IQSEC3: variants seen among roughly 807,000 people sequenced by gnomAD.
IQSEC3 encodes IQ motif and SEC7 domain-containing protein 3.
A neutral mutation model predicts 105.4 loss-of-function variants in IQSEC3; 50 were observed. That is an observed-to-expected ratio of 0.47 (90% CI 0.38 to 0.60). The LOEUF (loss-of-function observed/expected upper bound fraction) is 0.60, where lower values mean the gene tolerates loss of function less well. IQSEC3 is among the 20% of genes least tolerant of loss of function. The pLI, the probability that IQSEC3 is intolerant of heterozygous loss-of-function variation, is 0.00. For synonymous variants in IQSEC3, 708 were observed against 746.0 expected (o/e 0.95, Z 0.83); for missense variants, 1,415 against 1,630.0 (o/e 0.87, Z 2.27).
intron 11 of IQSEC3, among the ~76,000 whole-genome samples, chr12:168,428 G>A (rs1285434024): frequency 1.3e-5 from 2 of 148,250 alleles, no homozygotes; most frequent in Non-Finnish European, 3.1e-5. Context: ...CCCAGGCGCC[G>A]GGTGGAGAGG....
chr12:164,380 G>C (rs1049692784), intron 9 of IQSEC3, among the ~76,000 whole-genome samples: 3 of 151,896 alleles, frequency 2.0e-5, no homozygotes. Context: ...TGATCTCTCT[G>C]GAGTGCACAT....
chr12:133,939 C>A (rs2136986300), intron 3 of IQSEC3, among the ~76,000 whole-genome samples: 1 of 152,170 alleles, frequency 6.6e-6, no homozygotes, highest in South Asian at 2.1e-4. Flanking sequence ...GGTTATTGTT[C>A]TGGAGGTTCA....
chr12:170,235 G>A (rs1555099848), intron 12 of IQSEC3, among the ~76,000 whole-genome samples: 2 of 152,202 alleles, frequency 1.3e-5, no homozygotes, highest in African/African-American at 2.4e-5. Flanking sequence ...CATAGGGCAC[G>A]GGTTGCTGCT....
At chr12:125,993 C>G (rs1172515368) in intron 3 of IQSEC3, 81 bp downstream of exon 3, 26 of 1,340,814 alleles carry the variant, frequency 1.9e-5, no homozygotes, top group African/African-American at 5.9e-5. Context: ...CAGGGATATC[C>G]CCGCTGGGTC....
chr12:110,333 C>T (rs1434664528), intron 2 of IQSEC3, among the ~76,000 whole-genome samples: 1 of 151,966 alleles, frequency 6.6e-6, no homozygotes, highest in African/African-American at 2.4e-5. Context: ...AGGCCTTGCC[C>T]TACTGGGTGC....
At chr12:141,073 A>G (rs2291928) in intron 4 of IQSEC3, 51 bp from the exon 5 acceptor site, 400,377 of 1,519,814 alleles carry the variant, frequency 0.26, 56,541 homozygotes, top group African/African-American at 0.49. Flanking sequence ...GGAAAGAGTC[A>G]TGGATGGCTT....
At chr12:117,494 C>T (rs148919342) in intron 2 of IQSEC3, among the ~76,000 whole-genome samples, 1 of 152,232 alleles carries the variant, frequency 6.6e-6, no homozygotes, top group Non-Finnish European at 1.5e-5. Context: ...CCAGAGGAGG[C>T]CTTCCTGTGG....
intron 5 of IQSEC3, among the ~76,000 whole-genome samples, chr12:153,957 G>C (rs1555093379): frequency 6.6e-6 from 1 of 152,106 alleles, no homozygotes; most frequent in East Asian, 1.9e-4. Context: ...TCTGGGGTGG[G>C]GTCCAGCGAG....
At chr12:92,686 C>T (rs1048144020) in intron 1 of IQSEC3, among the ~76,000 whole-genome samples, 9 of 152,214 alleles carry the variant, frequency 5.9e-5, no homozygotes, top group African/African-American at 1.7e-4. Flanking sequence ...CTGCTGGGAC[C>T]CTGTCTCACT....
chr12:70,126 C>T (rs1863255757), intron 1 of IQSEC3, among the ~76,000 whole-genome samples: 1 of 152,270 alleles, frequency 6.6e-6, no homozygotes, highest in African/African-American at 2.4e-5. Flanking sequence ...AGAACGCGAC[C>T]CCACTGAGGT....
chr12:161,725 A>G (rs1419788068), intron 7 of IQSEC3, among the ~76,000 whole-genome samples: 1 of 152,118 alleles, frequency 6.6e-6, no homozygotes, highest in Non-Finnish European at 1.5e-5. Context: ...TGTTGGGGCC[A>G]TATCATTAGT....
Position 99,155 on chromosome 12 carries a change from C to A in IQSEC3, c.564C>A (p.Thr188=), listed in dbSNP as rs782221108. Reference sequence around the variant, plus strand: ...TCTGCTCTGCCCGCAGGAATGAGACCGTGCTGCACCAGTTCTGCTGCCCAG... The same window carrying A: ...TCTGCTCTGCCCGCAGGAATGAGACAGTGCTGCACCAGTTCTGCTGCCCAG... ...GVLSRRPENE[T]VLHQFCCPAA... The change falls in exon 2 of 14, where the codon ACC becomes ACA. Residue 188 remains threonine, a synonymous_variant. Transcript: ENST00000538872. 1.3e-6 allele frequency: 2 copies of A among 1,598,626 alleles called. No individual in the cohort carries two copies. The highest frequency in any genetic ancestry group is 1.7e-6 in the Non-Finnish European group (2 of 1,179,642).
chr12:131,955 A>G (rs1460738280), intron 3 of IQSEC3, among the ~76,000 whole-genome samples: 2 of 152,182 alleles, frequency 1.3e-5, no homozygotes, highest in Non-Finnish European at 2.9e-5. Context: ...CAGGATGACT[A>G]AGACATATTT....
At chr12:172,406 T>G (rs1939053362) in intron 13 of IQSEC3, among the ~76,000 whole-genome samples, 1 of 152,102 alleles carries the variant, frequency 6.6e-6, no homozygotes, top group South Asian at 2.1e-4. Context: ...CAGCCCTCTG[T>G]TCTGTTCTGC....
chr12:151,570 C>G (rs1365818061), intron 5 of IQSEC3, among the ~76,000 whole-genome samples: 1 of 152,232 alleles, frequency 6.6e-6, no homozygotes, highest in Non-Finnish European at 1.5e-5. Flanking sequence ...CATTCATTTT[C>G]TCTCCAACAG....
At chr12:74,625 C>T (rs1863448688) in intron 1 of IQSEC3, among the ~76,000 whole-genome samples, 1 of 152,272 alleles carries the variant, frequency 6.6e-6, no homozygotes, top group African/African-American at 2.4e-5. Flanking sequence ...GCAGCCTGTC[C>T]AAGTCCCTGC....
intron 2 of IQSEC3, 35 bp from the exon 3 acceptor site, chr12:125,598 T>TC: frequency 6.8e-7 from 1 of 1,465,856 alleles, no homozygotes; most frequent in Non-Finnish European, 8.9e-7. Context: ...TGTCGCCCTC[T>TC]CCCCCAACCG....
intron 3 of IQSEC3, among the ~76,000 whole-genome samples, chr12:131,536 C>T (rs540142139): frequency 1.8e-4 from 28 of 152,264 alleles, no homozygotes; most frequent in African/African-American, 6.5e-4. Flanking sequence ...TTCCAAGCCC[C>T]GGCCTGGACA....
chr12:119,188 G>A (rs376787001), intron 2 of IQSEC3, among the ~76,000 whole-genome samples: 44 of 152,292 alleles, frequency 2.9e-4, no homozygotes, highest in African/African-American at 9.9e-4. Flanking sequence ...TTCCGTTTGC[G>A]TGAGGATTCC....
Sources: allele counts gnomAD v4.1 joint callset (sites outside exome capture counted in the v4.1 genomes callset), GRCh38; gene constraint gnomAD v4.1.1; transcripts MANE v1.5; gene names NCBI Gene and HGNC (gene_info 2026-07-23, HGNC 2026-07-21).